FAM76A: variants seen among roughly 807,000 people sequenced by gnomAD.
FAM76A encodes the protein family with sequence similarity 76 member A.
A neutral mutation model predicts 46.2 loss-of-function variants in FAM76A; 32 were observed. The ratio of observed to expected loss-of-function variants is 0.69; its 90% CI spans 0.52 to 0.93. The LOEUF (loss-of-function observed/expected upper bound fraction) is 0.93, where lower values mean the gene tolerates loss of function less well. Among genes scored for constraint, FAM76A ranks in the 40% least tolerant of loss-of-function variants. FAM76A has a pLI of 0.00. For missense variants in FAM76A, 274 were observed against 361.5 expected, an observed-to-expected ratio of 0.76 and a Z score of 1.96; for synonymous variants, 137 against 127.0, an observed-to-expected ratio of 1.08 and a Z score of -0.53.
At chr1:27,750,419 A>G (rs546430902) in intron 6 of FAM76A, among the ~76,000 whole-genome samples, 5 of 152,288 alleles carry the variant, frequency 3.3e-5, no homozygotes, top group Admixed American at 1.3e-4. Flanking sequence ...GTTCTCTCAT[A>G]AGCTAGTCTG....
At chr1:27,758,272 T>A (rs10794505) in intron 7 of FAM76A, among the ~76,000 whole-genome samples, 24,328 of 152,152 alleles carry the variant, frequency 0.16, 5,037 homozygotes, top group African/African-American at 0.48. Flanking sequence ...GAAGTCTTTC[T>A]GACTCTACTG....
At chr1:27,758,263 A>C (rs2088448451) in intron 7 of FAM76A, among the ~76,000 whole-genome samples, 1 of 152,192 alleles carries the variant, frequency 6.6e-6, no homozygotes, top group Non-Finnish European at 1.5e-5. Context: ...AAGGGACTGG[A>C]AGTCTTTCTG....
In FAM76A at chr1:27,760,475, C is replaced by G; in HGVS notation, c.838-20C>G. 6.3e-7 allele frequency: 1 copy of G among 1,597,928 alleles called. No individual in the cohort carries two copies. The highest frequency in any genetic ancestry group is 1.1e-5 in the South Asian group (1 of 89,764). ...TCCTGTTTGAAACATCCTTCTTGCA[C>G]TGATTTTTTTTTTCTTTAGGCCAAA... On this transcript the variant is annotated intron_variant, in intron 8 of 8. Transcript: ENST00000373954.
chr1:27,728,154 G>A (rs763511209), intron 2 of FAM76A, among the ~76,000 whole-genome samples: 17 of 151,626 alleles, frequency 1.1e-4, no homozygotes, highest in Admixed American at 3.3e-4. Flanking sequence ...ATTTTATATT[G>A]TGATTATAAT....
Position 27,742,418 on chromosome 1 carries a change from A to G in FAM76A, c.355-2236A>G, listed in dbSNP as rs2088170379. ...CCATGGTGCAGAGTTACTTTTGCTC[A>G]AAGGAGTCAACTTTTTCTAATTCAA... On this transcript the variant is annotated intron_variant, in intron 4 of 8. Coordinates refer to ENST00000373954, the MANE Select transcript of FAM76A (RefSeq NM_152660.3). Among the ~76,000 whole-genome samples, 6 of 152,116 alleles carry G rather than the reference A, an allele frequency of 3.9e-5. No individual in the cohort carries two copies. The South Asian group carries it at 1.2e-3, about 31-fold the overall frequency.
intron 4 of FAM76A, among the ~76,000 whole-genome samples, chr1:27,738,792 G>A (rs925478700): frequency 2.0e-5 from 3 of 152,178 alleles, no homozygotes; most frequent in Non-Finnish European, 4.4e-5. Context: ...GACAGAGAGT[G>A]ACTGGGAAGT....
At chr1:27,734,822 G>GTTTC (rs2088018106) in intron 4 of FAM76A, among the ~76,000 whole-genome samples, 1 of 152,136 alleles carries the variant, frequency 6.6e-6, no homozygotes, top group Admixed American at 6.6e-5. Flanking sequence ...CTCTTTAAAT[G>GTTTC]TTTCTATCTG....
chr1:27,759,260 C>G (rs1372786698), intron 7 of FAM76A, among the ~76,000 whole-genome samples: 3 of 152,108 alleles, frequency 2.0e-5, no homozygotes, highest in Non-Finnish European at 4.4e-5. Context: ...ATCATATAAT[C>G]AGTTTTTCTG....
chr1:27,737,662 G>A (rs1215771552), intron 4 of FAM76A, among the ~76,000 whole-genome samples: 6 of 151,992 alleles, frequency 3.9e-5, no homozygotes. Context: ...GACCAGCCTG[G>A]CCAACATGGT....
intron 4 of FAM76A, among the ~76,000 whole-genome samples, chr1:27,735,396 C>G (rs2148569334): frequency 6.6e-6 from 1 of 152,312 alleles, no homozygotes; most frequent in East Asian, 1.9e-4. Flanking sequence ...TGCTTTATTT[C>G]CAGTGGCCTG....
chr1:27,734,323 G>C, intron 4 of FAM76A, 140 bp downstream of exon 4: 1 of 727,056 alleles, frequency 1.4e-6, no homozygotes, highest in Non-Finnish European at 2.1e-6. Flanking sequence ...CGAGGCTAGT[G>C]GATCATGAGG....
chr1:27,728,573 TACTC>T (rs1406413597), intron 2 of FAM76A, among the ~76,000 whole-genome samples: 1 of 152,026 alleles, frequency 6.6e-6, no homozygotes, highest in African/African-American at 2.4e-5. Context: ...GCTGGTCTCT[TACTC>T]ATGGGCCCAA....
At chr1:27,740,832 A>G (rs1033438374) in intron 4 of FAM76A, among the ~76,000 whole-genome samples, 8 of 152,190 alleles carry the variant, frequency 5.3e-5, no homozygotes, top group African/African-American at 1.9e-4. Flanking sequence ...GAAGCAATTT[A>G]ACAATTCATG....
chr1:27,737,678 A>G, intron 4 of FAM76A, among the ~76,000 whole-genome samples: 1 of 151,784 alleles, frequency 6.6e-6, no homozygotes, highest in South Asian at 2.1e-4. Flanking sequence ...ATGGTGAAAC[A>G]CTGTTTCTAC....
rs201367605 is a variant in FAM76A at position 27,727,552 on chromosome 1, C to G, written c.146+16C>G. Reference sequence around the variant, plus strand: ...AGCAGGAGAGGTAGAGTTTTGTTGACCATGAAAGATATTAATAGGCTTTTT... The same window carrying G: ...AGCAGGAGAGGTAGAGTTTTGTTGAGCATGAAAGATATTAATAGGCTTTTT... On this transcript the variant is annotated intron_variant, in intron 2 of 8. Transcript: ENST00000373954. The G allele has an allele frequency of 5.0e-6, 8 of 1,604,716 alleles. No homozygotes were observed. In the East Asian group the frequency reaches 1.8e-4, roughly 36 times the overall value.
chr1:27,737,285 G>T (rs1393696064), intron 4 of FAM76A, among the ~76,000 whole-genome samples: 1 of 152,050 alleles, frequency 6.6e-6, no homozygotes, highest in East Asian at 1.9e-4. Flanking sequence ...TTAAGAGACA[G>T]ATCTGAAAAA....
At chr1:27,741,068 G>A (rs1314404504) in intron 4 of FAM76A, among the ~76,000 whole-genome samples, 1 of 150,972 alleles carries the variant, frequency 6.6e-6, no homozygotes, top group Non-Finnish European at 1.5e-5. Context: ...GGAGGCGGAG[G>A]TTGCAGTGAG....
At chr1:27,758,816 C>T (rs2088459025) in intron 7 of FAM76A, among the ~76,000 whole-genome samples, 1 of 151,828 alleles carries the variant, frequency 6.6e-6, no homozygotes, top group Non-Finnish European at 1.5e-5. Flanking sequence ...CCACTCCTGG[C>T]CCAGAGTTAG....
At position 27,739,561 on chromosome 1, in the gene FAM76A, T is replaced by TGG. The variant is rs2148573447; in HGVS notation, c.355-5092_355-5091dup. 2 of 318,964 alleles carry TGG rather than the reference T, an allele frequency of 6.3e-6. 1 individual carries two copies. The highest frequency in any genetic ancestry group is 5.4e-5 in the South Asian group (2 of 36,792). 19.8% of individuals were successfully genotyped at this position (318,964 alleles called of 1,614,324 possible). On this transcript the variant is annotated intron_variant, in intron 4 of 8. Coordinates refer to ENST00000373954, the MANE Select transcript of FAM76A (RefSeq NM_152660.3). ...TAGCACTTTGGGAGGCCGAGGCAGGTGGATCACTTGAGCCCAGGAGTTGGA... is the reference window on the plus strand; with the variant it reads ...TAGCACTTTGGGAGGCCGAGGCAGGTGGGGATCACTTGAGCCCAGGAGTTGGA...
Sources: gnomAD v4.1 joint callset for allele counts (sites outside exome capture counted in the v4.1 genomes callset) on GRCh38, gnomAD v4.1.1 for gene constraint, MANE v1.5 for transcripts, NCBI Gene and HGNC (gene_info 2026-07-23, HGNC 2026-07-21) for gene names.